The following FAAH2 variants were observed in gnomAD, a reference collection of about 807,000 sequenced individuals.
FAAH2 encodes the protein fatty-acid amide hydrolase 2.
FAAH2 carries 60 observed loss-of-function variants against 36.9 expected under a neutral mutation model. The ratio of observed to expected loss-of-function variants is 1.63; its 90% CI spans 1.32 to 2.02. The LOEUF is 2.02. Ranked by LOEUF, FAAH2 falls within the 30% of genes most tolerant of loss-of-function variation. FAAH2 has a pLI of 0.00. For synonymous variants in FAAH2, 214 were observed against 143.8 expected (o/e 1.49, Z -3.49); for missense variants, 689 against 397.5 (o/e 1.73, Z -6.23).
the FAAH2 span, among the ~76,000 whole-genome samples, chrX:57,266,512 C>T: frequency 8.9e-6 from 1 of 112,821 alleles, no homozygotes; most frequent in African/African-American, 3.2e-5. Flanking sequence ...CTGAAAGCCT[C>T]TCTGCCACTG....
At chrX:57,186,750 G>A in the FAAH2 span, among the ~76,000 whole-genome samples, 1 of 112,156 alleles carries the variant, frequency 8.9e-6, no homozygotes, top group African/African-American at 3.2e-5. Context: ...TAAGGTGTAA[G>A]AAAGGAGTCC....
the FAAH2 span, among the ~76,000 whole-genome samples, chrX:57,138,556 C>T: frequency 9.0e-6 from 1 of 110,777 alleles, no homozygotes; most frequent in African/African-American, 3.3e-5. Flanking sequence ...ATGCTGATTT[C>T]CTTTCTTTTG....
At chrX:57,168,256 G>T in the FAAH2 span, among the ~76,000 whole-genome samples, 1 of 109,981 alleles carries the variant, frequency 9.1e-6, no homozygotes, top group South Asian at 3.9e-4. Flanking sequence ...GTTTTTCCAA[G>T]GATCCCTGGT....
intron 10 of FAAH2, among the ~76,000 whole-genome samples, chrX:57,470,172 A>G (rs1014576842): frequency 3.6e-5 from 4 of 111,292 alleles, no homozygotes; most frequent in Non-Finnish European, 7.5e-5. Flanking sequence ...TGACACCCTA[A>G]TATCACAATT....
At chrX:57,288,102 A>G (rs1328083159) in intron 1 of FAAH2, among the ~76,000 whole-genome samples, 1 of 110,907 alleles carries the variant, frequency 9.0e-6, no homozygotes, top group Non-Finnish European at 1.9e-5. Flanking sequence ...GGCAAAAATC[A>G]CAATTACTTT....
At position 57,372,896 on chromosome X, in the gene FAAH2, C is replaced by T. The variant is rs1216639634; in HGVS notation, c.743-5755C>T. Among the ~76,000 whole-genome samples the T allele has an allele frequency of 4.6e-5, 5 of 109,403 alleles. No individual in the cohort carries two copies. In the South Asian group the frequency reaches 1.6e-3, roughly 35 times the overall value. On this transcript the variant is annotated intron_variant, in intron 5 of 10. Coordinates refer to ENST00000374900, the MANE Select transcript of FAAH2 (RefSeq NM_174912.4). ...CCTCCTCTCACCCTTTCCCTCGAGT[C>T]CCGAGAGTCCATTATATCATTCTTA... is the stretch of plus-strand genomic sequence containing the variant.
At chrX:57,231,777 A>T in the FAAH2 span, among the ~76,000 whole-genome samples, 1,615 of 111,800 alleles carry the variant, frequency 0.014, 26 homozygotes, top group African/African-American at 0.05. Context: ...TTTCTGAATT[A>T]TTAGGCAATT....
chrX:57,243,250 G>A, the FAAH2 span, among the ~76,000 whole-genome samples: 1 of 112,230 alleles, frequency 8.9e-6, no homozygotes, highest in East Asian at 2.8e-4. Flanking sequence ...AGCAGCCCCA[G>A]TCAGGGGCTT....
At chrX:57,215,070 G>T in the FAAH2 span, among the ~76,000 whole-genome samples, 1 of 103,629 alleles carries the variant, frequency 9.6e-6, no homozygotes, top group African/African-American at 3.6e-5. Flanking sequence ...TCTGGCAGGG[G>T]TCTAATATCC....
intron 7 of FAAH2, among the ~76,000 whole-genome samples, chrX:57,389,931 CTGA>C (rs1343645297): frequency 9.1e-6 from 1 of 109,795 alleles, no homozygotes; most frequent in Non-Finnish European, 1.9e-5. Flanking sequence ...GTGCATTCAC[CTGA>C]TGATTAGTGT....
chrX:57,328,937 A>C (rs1160154676), intron 3 of FAAH2, among the ~76,000 whole-genome samples: 15 of 111,469 alleles, frequency 1.3e-4, no homozygotes, highest in Non-Finnish European at 1.1e-4. Context: ...GGGAGGGCTG[A>C]GGTCCTCCTG....
chrX:57,477,953 G>A (rs1402472548), intron 10 of FAAH2, among the ~76,000 whole-genome samples: 2 of 111,864 alleles, frequency 1.8e-5, no homozygotes, highest in South Asian at 3.7e-4. Context: ...AAACATACAT[G>A]TGCGTGTGTC....
chrX:57,347,604 G>GTTTTTTTTTTTTT (rs61323098), intron 5 of FAAH2, among the ~76,000 whole-genome samples: 2 of 77,902 alleles, frequency 2.6e-5, no homozygotes, highest in African/African-American at 1.3e-4. Context: ...GGGATGCTAA[G>GTTTTTTTTTTTTT]TTTTTTTTTT....
At chrX:57,396,388 T>C (rs1448686958) in intron 7 of FAAH2, among the ~76,000 whole-genome samples, 8 of 108,693 alleles carry the variant, frequency 7.4e-5, no homozygotes, top group Admixed American at 5.9e-4. Context: ...TTTTTTTTTT[T>C]TTTCTTGTTT....
the FAAH2 span, among the ~76,000 whole-genome samples, chrX:57,144,880 C>T: frequency 4.0e-4 from 29 of 73,128 alleles, no homozygotes; most frequent in Non-Finnish European, 5.8e-4. Context: ...AGTAGTATTC[C>T]ACTATATATA....
chrX:57,448,486 T>C (rs1307955934), intron 9 of FAAH2, 38 bp from the exon 10 acceptor site: 1 of 1,131,557 alleles, frequency 8.8e-7, no homozygotes, highest in Non-Finnish European at 1.2e-6. Context: ...TAAAATGAAG[T>C]TTATTACCTT....
the FAAH2 span, among the ~76,000 whole-genome samples, chrX:57,154,618 TTC>T: frequency 3.6e-5 from 4 of 110,832 alleles, no homozygotes; most frequent in Non-Finnish European, 5.7e-5. Flanking sequence ...GATGTCACCT[TTC>T]TCTGGTGCCT....
At chrX:57,482,568 A>G (rs1047966383) in intron 10 of FAAH2, among the ~76,000 whole-genome samples, 1 of 109,897 alleles carries the variant, frequency 9.1e-6, no homozygotes, top group Middle Eastern at 4.7e-3. Flanking sequence ...TGTGGGTTGG[A>G]CCCACTGCCT....
chrX:57,202,764 A>C, the FAAH2 span, among the ~76,000 whole-genome samples: 1 of 112,062 alleles, frequency 8.9e-6, no homozygotes, highest in African/African-American at 3.2e-5. Context: ...TGTAGATGTC[A>C]TCTGGGACCC....
Sources: gnomAD v4.1 joint callset for allele counts (sites outside exome capture counted in the v4.1 genomes callset) on GRCh38, gnomAD v4.1.1 for gene constraint, MANE v1.5 for transcripts, NCBI Gene and HGNC (gene_info 2026-07-23, HGNC 2026-07-21) for gene names.